Variants in ZMYM4 observed in about 807,000 individuals in gnomAD.
ZMYM4 encodes zinc finger MYM-type protein 4.
ZMYM4 carries 31 observed loss-of-function variants against 183.2 expected under a neutral mutation model. The ratio of observed to expected loss-of-function variants is 0.17; its 90% CI spans 0.13 to 0.23. The LOEUF (loss-of-function observed/expected upper bound fraction) is 0.23. Among genes scored for constraint, ZMYM4 ranks in the 10% least tolerant of loss-of-function variants. ZMYM4 has a pLI of 1.00. For synonymous variants in ZMYM4, 592 were observed against 631.2 expected, an observed-to-expected ratio of 0.94 and a Z score of 0.93; for missense variants, 1,273 against 1,840.3, an observed-to-expected ratio of 0.69 and a Z score of 5.64.
chr1:35,367,003 G>A (rs1439374513), intron 5 of ZMYM4, among the ~76,000 whole-genome samples: 1 of 143,818 alleles, frequency 7.0e-6, no homozygotes, highest in Non-Finnish European at 1.5e-5. Context: ...CAGCTTGTGG[G>A]ATAAGAGTGA....
At position 35,386,225 on chromosome 1, in the gene ZMYM4, T is replaced by C. The variant is rs61776874; in HGVS notation, c.1836+36T>C. 8,818 of 1,459,690 alleles carry C rather than the reference T, an allele frequency of 6.0e-3. 41 individuals carry two copies. Among genetic ancestry groups the C allele is most frequent in the Non-Finnish European group, 7.7e-3 (7,993 of 1,042,506 alleles). The allele number at this position is 1,459,690 out of a possible 1,614,324, so 90.4% of individuals were successfully genotyped here. A position where few individuals can be genotyped will look rare whatever the true frequency, so the allele number is the denominator to read the frequency against. On this transcript the variant is annotated intron_variant, in intron 11 of 29. Coordinates refer to ENST00000314607, the MANE Select transcript of ZMYM4 (RefSeq NM_005095.3). ...AGGAACCTTCCTCTTCTTCAGTCAG[T>C]GAGTCACCTACTGTATGAGTCTGTT...
intron 1 of ZMYM4, among the ~76,000 whole-genome samples, chr1:35,281,294 A>AT (rs1640144911): frequency 6.6e-6 from 1 of 152,176 alleles, no homozygotes; most frequent in Non-Finnish European, 1.5e-5. Flanking sequence ...AAAAAAAAAA[A>AT]AAAATTACCT....
chr1:35,352,265 GCGCGCACA>G lies in ZMYM4; in HGVS notation c.86-6658_86-6651del, dbSNP rs1289809439. On this transcript the variant is annotated intron_variant, in intron 2 of 29. Coordinates refer to ENST00000314607, the MANE Select transcript of ZMYM4 (RefSeq NM_005095.3). ...AATTTAAAAATTAGCGCGCACGCGC[GCGCGCACA>G]CACACACACACACACACACACACAC... Among the ~76,000 whole-genome samples, 265 of 85,476 alleles carry G rather than the reference GCGCGCACA, an allele frequency of 3.1e-3. 6 individuals are homozygous for G. The highest frequency in any genetic ancestry group is 0.026 in the East Asian group (121 of 4,596). The allele number at this position is 85,476 out of a possible 152,430, so 56.1% of individuals were successfully genotyped here. A position where few individuals can be genotyped will look rare whatever the true frequency, so the allele number is the denominator to read the frequency against.
chr1:35,326,920 C>T (rs369852294), intron 2 of ZMYM4, among the ~76,000 whole-genome samples: 11 of 152,132 alleles, frequency 7.2e-5, no homozygotes, highest in East Asian at 3.8e-4. Context: ...AGTGAAGTGG[C>T]GTGATCTAGG....
At chr1:35,350,667 C>T in intron 2 of ZMYM4, 1 of 287,946 alleles carries the variant, frequency 3.5e-6, no homozygotes, top group Non-Finnish European at 6.7e-6. Flanking sequence ...ACTCCCAGCA[C>T]TGCTGGGCCT....
chr1:35,290,118 C>T (rs1640689666), intron 1 of ZMYM4, among the ~76,000 whole-genome samples: 1 of 152,110 alleles, frequency 6.6e-6, no homozygotes, highest in Non-Finnish European at 1.5e-5. Context: ...CAGATGCGCA[C>T]TACCACGCCC....
chr1:35,381,009 G>C (rs942766111), intron 7 of ZMYM4, among the ~76,000 whole-genome samples: 1 of 152,020 alleles, frequency 6.6e-6, no homozygotes, highest in Admixed American at 6.6e-5. Context: ...TTTCCTTTTA[G>C]TCTTTGAAAC....
At chr1:35,407,888 A>G in intron 25 of ZMYM4, 120 bp from the exon 26 acceptor site, 1 of 1,248,356 alleles carries the variant, frequency 8.0e-7, no homozygotes, top group Non-Finnish European at 1.1e-6. Context: ...TTTAATCCAT[A>G]TACCCACTAG....
chr1:35,294,425 A>G (rs1640909588), intron 1 of ZMYM4, among the ~76,000 whole-genome samples: 1 of 152,320 alleles, frequency 6.6e-6, no homozygotes, highest in Non-Finnish European at 1.5e-5. Flanking sequence ...TTGATGATAG[A>G]TAGGGCAGGA....
chr1:35,300,017 G>A (rs925640618), intron 1 of ZMYM4, among the ~76,000 whole-genome samples: 3 of 151,988 alleles, frequency 2.0e-5, no homozygotes, highest in Non-Finnish European at 2.9e-5. Flanking sequence ...GGATGGTCTC[G>A]ATCTCCTGAC....
rs555907499 is a variant in ZMYM4 at position 35,302,720 on chromosome 1, C to A, written c.40-22640C>A. 3.6e-4 allele frequency among the ~76,000 whole-genome samples: 54 copies of A among 151,984 alleles called. No homozygotes were observed. The Middle Eastern group carries it at 0.01, about 29-fold the overall frequency. ...ATTTTTTTGTAGAGATGGGATCTTA[C>A]TATGTTGCTAAGTTGGTCTCAAACT... On this transcript the variant is annotated intron_variant, in intron 1 of 29. Transcript: ENST00000314607.
intron 2 of ZMYM4, 115 bp from the exon 3 acceptor site, chr1:35,358,810 G>A: frequency 2.4e-6 from 2 of 822,946 alleles, no homozygotes; most frequent in African/African-American, 1.7e-5. Flanking sequence ...GAATACTATG[G>A]TAATATCTGT....
Position 35,405,465 on chromosome 1 carries a change from A to G in ZMYM4, c.3793A>G (p.Arg1265Gly), listed in dbSNP as rs531846892. 14 of 1,598,318 alleles carry G rather than the reference A, an allele frequency of 8.8e-6. No individual in the cohort carries two copies. The African/African-American group carries it at 1.7e-4, about 20-fold the overall frequency. ...TCAAGAATCCTCAGAGCCAGGCTGTAGAGGTAAAATTTGTTTCTCTCCATT... is the reference window on the plus strand; with the variant it reads ...TCAAGAATCCTCAGAGCCAGGCTGTGGAGGTAAAATTTGTTTCTCTCCATT... ...LSQESSEPGC[R>G]VRSIKLKEDI... Residue 1265 changes from arginine to glycine, a missense_variant, in exon 25 of 30, where the codon AGA (arginine) becomes GGA (glycine). Physicochemically the swap from Arg to Gly is moderately radical, Grantham distance 125. Coordinates refer to ENST00000314607, the MANE Select transcript of ZMYM4 (RefSeq NM_005095.3).
intron 1 of ZMYM4, among the ~76,000 whole-genome samples, chr1:35,304,206 A>G (rs571236218): frequency 1.1e-4 from 17 of 152,056 alleles, no homozygotes; most frequent in African/African-American, 3.9e-4. Context: ...TTGTATTTTT[A>G]GTAGAGATGG....
intron 2 of ZMYM4, among the ~76,000 whole-genome samples, chr1:35,331,853 G>C (rs999241248): frequency 6.7e-6 from 1 of 149,344 alleles, no homozygotes; most frequent in African/African-American, 2.5e-5. Flanking sequence ...TGGTATCAAG[G>C]AAACTCTGAC....
rs541151749 is a variant in ZMYM4 at position 35,421,722 on chromosome 1, C to G, written c.*2045C>G. 1.3e-5 allele frequency: 2 copies of G among 152,208 alleles called. No individual in the cohort carries two copies. The highest frequency in any genetic ancestry group is 4.8e-5 in the African/African-American group (2 of 41,514). The allele number at this position is 152,208 out of a possible 1,614,324, so 9.4% of individuals were successfully genotyped here. On this transcript the variant is annotated 3_prime_UTR_variant, in exon 30 of 30. Coordinates refer to ENST00000314607, the MANE Select transcript of ZMYM4 (RefSeq NM_005095.3). ...AAATATTGATTAATTATTGGTCATTCCTCATAAGTGTAGCTGTTGATGTGT... is the reference window on the plus strand; with the variant it reads ...AAATATTGATTAATTATTGGTCATTGCTCATAAGTGTAGCTGTTGATGTGT...
chr1:35,417,540 T>C (rs1640167887), intron 28 of ZMYM4, among the ~76,000 whole-genome samples: 1 of 152,148 alleles, frequency 6.6e-6, no homozygotes, highest in Non-Finnish European at 1.5e-5. Flanking sequence ...AATATTCTCA[T>C]AGAGATGACA....
At chr1:35,376,777 C>T (rs1200187522) in intron 7 of ZMYM4, among the ~76,000 whole-genome samples, 1 of 152,138 alleles carries the variant, frequency 6.6e-6, no homozygotes, top group South Asian at 2.1e-4. Context: ...CTGCCCACCT[C>T]GGCCTCCCAA....
chr1:35,328,058 T>G (rs1418611334), intron 2 of ZMYM4, among the ~76,000 whole-genome samples: 1 of 152,204 alleles, frequency 6.6e-6, no homozygotes, highest in Non-Finnish European at 1.5e-5. Context: ...ATGAATCATA[T>G]AGCTTTCTAA....
Sources: gnomAD v4.1 joint callset for allele counts (sites outside exome capture counted in the v4.1 genomes callset) on GRCh38, gnomAD v4.1.1 for gene constraint, MANE v1.5 for transcripts, NCBI Gene and HGNC (gene_info 2026-07-23, HGNC 2026-07-21) for gene names.